The following AVEN variants were observed in gnomAD, a reference collection of about 807,000 sequenced individuals.
AVEN encodes the protein cell death regulator Aven.
AVEN carries 41 observed loss-of-function variants against 38.1 expected under a neutral mutation model. The observed-to-expected ratio is 1.08, with a 90% CI of 0.84 to 1.40. AVEN has a LOEUF of 1.40. Ranked by LOEUF, AVEN falls within the 40% of genes most tolerant of loss-of-function variation. The pLI, the probability that AVEN is intolerant of heterozygous loss-of-function variation, is 0.00. For synonymous variants in AVEN, 206 were observed against 171.8 expected, an observed-to-expected ratio of 1.20 and a Z score of -1.56; for missense variants, 605 against 438.8, an observed-to-expected ratio of 1.38 and a Z score of -3.38.
intron 3 of AVEN, among the ~76,000 whole-genome samples, chr15:33,873,070 A>G (rs117325004): frequency 0.031 from 4,671 of 150,834 alleles, 147 homozygotes; most frequent in Non-Finnish European, 0.039. Flanking sequence ...TGCAAAGACA[A>G]AACATATTTC....
At chr15:33,867,999 A>G in intron 4 of AVEN, 144 bp from the exon 5 acceptor site, 1 of 1,170,538 alleles carries the variant, frequency 8.5e-7, no homozygotes, top group Non-Finnish European at 1.2e-6. Context: ...GCTCCTTTCC[A>G]GGCCCTGGTG....
intron 2 of AVEN, among the ~76,000 whole-genome samples, chr15:33,909,346 A>C (rs1021912969): frequency 1.9e-4 from 29 of 152,184 alleles, no homozygotes; most frequent in Non-Finnish European, 3.5e-4. Flanking sequence ...AAACAAAAAA[A>C]CCTAAGAGTT....
At chr15:33,873,577 TATA>T (rs1891093930) in intron 3 of AVEN, among the ~76,000 whole-genome samples, 1 of 148,278 alleles carries the variant, frequency 6.7e-6, no homozygotes, top group Non-Finnish European at 1.5e-5. Flanking sequence ...ATATATTACA[TATA>T]ATTATATATA....
In AVEN at chr15:33,875,920, C is replaced by G; in HGVS notation, c.516+5G>C. On this transcript the variant is annotated splice_donor_5th_base_variant and intron_variant, in intron 3 of 5. Transcript: ENST00000306730. Reference sequence around the variant, plus strand: ...AGTCCACACTTAACACAACTCTTATCTTACCTGTTTTGGACAAGAAGCTTC... The same window carrying G: ...AGTCCACACTTAACACAACTCTTATGTTACCTGTTTTGGACAAGAAGCTTC... 6.2e-7 allele frequency: 1 copy of G among 1,612,850 alleles called. No homozygotes were observed. Among genetic ancestry groups the G allele is most frequent in the Non-Finnish European group, 8.5e-7 (1 of 1,178,994 alleles).
intron 1 of AVEN, among the ~76,000 whole-genome samples, chr15:34,018,048 G>C (rs1898023531): frequency 6.6e-6 from 1 of 152,096 alleles, no homozygotes; most frequent in African/African-American, 2.4e-5. Context: ...ATACTAAATG[G>C]TTTATGTATT....
At chr15:33,987,296 T>C (rs911377087) in intron 2 of AVEN, among the ~76,000 whole-genome samples, 1 of 148,006 alleles carries the variant, frequency 6.8e-6, no homozygotes, top group Non-Finnish European at 1.5e-5. Flanking sequence ...CATTTGAAGG[T>C]TTTTTCATTT....
chr15:33,963,515 A>C (rs901127227), intron 2 of AVEN, among the ~76,000 whole-genome samples: 2 of 152,136 alleles, frequency 1.3e-5, no homozygotes, highest in Admixed American at 6.5e-5. Flanking sequence ...ACCAGAACCC[A>C]GCCGGGCGCG....
chr15:33,932,854 T>TAAATAAATA (rs1321970971), intron 2 of AVEN, among the ~76,000 whole-genome samples: 2 of 151,420 alleles, frequency 1.3e-5, no homozygotes, highest in Middle Eastern at 3.2e-3. Flanking sequence ...AATAAATAAA[T>TAAATAAATA]AAATAAATAA....
rs988349987 is a variant in AVEN at position 34,070,490 on chromosome 15, C to T, written n.784+98G>A. On this transcript the variant is annotated intron_variant and non_coding_transcript_variant, in intron 2 of 11. Coordinates refer to the AVEN transcript ENST00000675287. ...AAGAAAATATCTACTGACTTTCTAC[C>T]GAGAAAAATAAAGGTTTGATTCTTA... 8.6e-5 allele frequency among the ~76,000 whole-genome samples: 13 copies of T among 151,280 alleles called. 1 individual carries two copies. The highest frequency in any genetic ancestry group is 6.3e-4 in the South Asian group (3 of 4,784).
At chr15:34,044,064 A>C (rs527468889), upstream of AVEN, among the ~76,000 whole-genome samples, 24 of 152,070 alleles carry the variant, frequency 1.6e-4, no homozygotes, top group East Asian at 4.6e-3. Flanking sequence ...TTAGCATACA[A>C]GCATGCTGTA....
At chr15:33,958,136 T>G (rs7182969) in intron 2 of AVEN, among the ~76,000 whole-genome samples, 44,617 of 152,072 alleles carry the variant, frequency 0.29, 8,607 homozygotes, top group African/African-American at 0.55. Context: ...ACTGTTAAGA[T>G]TTGAGCATTT....
intron 4 of AVEN, among the ~76,000 whole-genome samples, chr15:33,870,533 G>T (rs1159119873): frequency 6.6e-6 from 1 of 152,136 alleles, no homozygotes; most frequent in Non-Finnish European, 1.5e-5. Flanking sequence ...ATTACAATTT[G>T]TATATGTTTG....
intron 2 of AVEN, among the ~76,000 whole-genome samples, chr15:33,999,269 A>G (rs1050477222): frequency 3.2e-4 from 49 of 152,318 alleles, no homozygotes; most frequent in South Asian, 1.2e-3. Context: ...TCCCAAGGCC[A>G]ACTCTCTATG....
chr15:33,880,192 C>T (rs1037004246), intron 2 of AVEN, among the ~76,000 whole-genome samples: 11 of 152,056 alleles, frequency 7.2e-5, no homozygotes, highest in Non-Finnish European at 1.5e-4. Flanking sequence ...GGCGCCCCTA[C>T]CCAAAAAGAC....
At chr15:33,855,252 C>T (rs1218089808), downstream of AVEN, among the ~76,000 whole-genome samples, 7 of 151,890 alleles carry the variant, frequency 4.6e-5, no homozygotes, top group East Asian at 1.4e-3. Context: ...GGCTGGAGTG[C>T]AGCGGTGGGA....
chr15:34,032,027 A>G (rs373869823), intron 1 of AVEN, among the ~76,000 whole-genome samples: 6 of 151,682 alleles, frequency 4.0e-5, no homozygotes, highest in African/African-American at 1.2e-4. Context: ...GCACACGCAC[A>G]CACACACACA....
intron 2 of AVEN, among the ~76,000 whole-genome samples, chr15:33,961,790 G>T (rs1253373318): frequency 7.7e-6 from 1 of 130,284 alleles, no homozygotes; most frequent in East Asian, 2.2e-4. Context: ...TCCAGCCTGG[G>T]CGACAGAGTG....
chr15:33,937,820 T>C (rs1272718706), intron 2 of AVEN, among the ~76,000 whole-genome samples: 2 of 151,720 alleles, frequency 1.3e-5, no homozygotes, highest in Admixed American at 1.3e-4. Flanking sequence ...TTCTGGTACC[T>C]TGATCATAGA....
rs1389635598 is a variant in AVEN at position 33,866,524 on chromosome 15, G to A, written c.*89C>T. The A allele has an allele frequency of 5.9e-5, 54 of 919,020 alleles. No homozygotes were observed. Among genetic ancestry groups the A allele is most frequent in the Non-Finnish European group, 6.9e-6 (4 of 576,908 alleles). 56.9% of individuals were successfully genotyped at this position (919,020 alleles called of 1,614,324 possible). On this transcript the variant is annotated 3_prime_UTR_variant, in exon 6 of 6. Transcript: ENST00000306730. ...GAACACACTAGCTTGAGACATGCTTGTAAACTGGCTGGTCCTGAAGGACAG... is the reference window on the plus strand; with the variant it reads ...GAACACACTAGCTTGAGACATGCTTATAAACTGGCTGGTCCTGAAGGACAG...
Sources: allele counts gnomAD v4.1 joint callset (sites outside exome capture counted in the v4.1 genomes callset), GRCh38; gene constraint gnomAD v4.1.1; transcripts MANE v1.5; gene names NCBI Gene and HGNC (gene_info 2026-07-23, HGNC 2026-07-21).